Variants in CNBD1 observed in about 807,000 individuals in gnomAD.
CNBD1 encodes cyclic nucleotide binding domain containing 1.
In CNBD1, 71 loss-of-function variants were observed where a neutral mutation model predicts 54.4. The observed-to-expected ratio is 1.30, with a 90% CI of 1.08 to 1.59. The LOEUF is 1.59. CNBD1 is among the 40% of genes most tolerant of loss of function. The probability of loss-of-function intolerance (pLI) is 0.00; values close to 1 mark genes in which losing one functional copy is unlikely to be tolerated. For missense variants in CNBD1, 659 were observed against 518.0 expected (o/e 1.27, Z -2.64); for synonymous variants, 182 against 170.7 (o/e 1.07, Z -0.51).
chr8:87,016,466 A>C (rs1002531180), intron 4 of CNBD1, among the ~76,000 whole-genome samples: 1 of 151,514 alleles, frequency 6.6e-6, no homozygotes, highest in Non-Finnish European at 1.5e-5. Context: ...AAAAAAAAAA[A>C]AAACTATCTA....
intron 6 of CNBD1, among the ~76,000 whole-genome samples, chr8:87,261,679 T>A (rs1360907937): frequency 6.6e-6 from 1 of 152,144 alleles, no homozygotes; most frequent in Non-Finnish European, 1.5e-5. Flanking sequence ...GCCATTGGGA[T>A]TGGCCAAGAC....
intron 8 of CNBD1, among the ~76,000 whole-genome samples, chr8:87,342,170 G>A (rs1272910847): frequency 1.3e-5 from 2 of 152,016 alleles, no homozygotes. Flanking sequence ...CTACTTGAGA[G>A]GCTGAGGCAG....
At chr8:87,015,512 A>G (rs1809336558) in intron 4 of CNBD1, among the ~76,000 whole-genome samples, 1 of 152,108 alleles carries the variant, frequency 6.6e-6, no homozygotes, top group Non-Finnish European at 1.5e-5. Context: ...TAATGCAAAA[A>G]GTTTTTAAGT....
intron 4 of CNBD1, among the ~76,000 whole-genome samples, chr8:87,160,966 T>G (rs567455944): frequency 6.6e-6 from 1 of 152,224 alleles, no homozygotes; most frequent in Non-Finnish European, 1.5e-5. Flanking sequence ...TTAACTGTTC[T>G]AACAAAAAGG....
In CNBD1 at chr8:87,021,554, A is replaced by G. The variant is rs111830093; in HGVS notation, c.431+81800A>G. On this transcript the variant is annotated intron_variant, in intron 4 of 10. Transcript: ENST00000518476. ...CAAAGGTTAAAATTTGGATTCATTG[A>G]TTTATACCAGTAGTTCTCAGCTATG... Among the ~76,000 whole-genome samples, 315 of 152,276 alleles carry G rather than the reference A, an allele frequency of 2.1e-3. 2 individuals carry two copies. Among genetic ancestry groups the G allele is most frequent in the African/African-American group, 7.0e-3 (290 of 41,564 alleles).
intron 8 of CNBD1, among the ~76,000 whole-genome samples, chr8:87,313,680 G>T (rs75236882): frequency 3.9e-3 from 586 of 151,704 alleles, no homozygotes; most frequent in African/African-American, 0.013. Context: ...ATTACACTGT[G>T]TTCTTATGTT....
intron 2 of CNBD1, among the ~76,000 whole-genome samples, chr8:87,423,767 G>T (rs1192454946): frequency 1.3e-5 from 2 of 152,018 alleles, no homozygotes; most frequent in South Asian, 4.1e-4. Flanking sequence ...CCCGGCTTTT[G>T]TATCAGAATG....
intron 4 of CNBD1, among the ~76,000 whole-genome samples, chr8:87,001,134 T>C (rs1037166276): frequency 4.6e-5 from 7 of 152,168 alleles, no homozygotes; most frequent in African/African-American, 1.7e-4. Flanking sequence ...TTCTTAAGCC[T>C]TTCATGTGTC....
At chr8:87,350,363 A>G (rs1006883067) in intron 8 of CNBD1, among the ~76,000 whole-genome samples, 1 of 152,016 alleles carries the variant, frequency 6.6e-6, no homozygotes, top group Admixed American at 6.6e-5. Flanking sequence ...TGAAGTAACT[A>G]TTACATGAGG....
chr8:87,374,543 G>C (rs1810885967), intron 10 of CNBD1, among the ~76,000 whole-genome samples: 1 of 151,454 alleles, frequency 6.6e-6, no homozygotes, highest in South Asian at 2.1e-4. Context: ...TTGTATGGAA[G>C]AGATTAGTTA....
chr8:87,321,109 C>T (rs1809517862), intron 8 of CNBD1, among the ~76,000 whole-genome samples: 2 of 146,144 alleles, frequency 1.4e-5, no homozygotes, highest in South Asian at 2.1e-4. Flanking sequence ...ACTTAGTTTC[C>T]ACCACCTGGC....
chr8:87,331,841 G>A (rs1219539419), intron 8 of CNBD1, among the ~76,000 whole-genome samples: 1 of 152,042 alleles, frequency 6.6e-6, no homozygotes, highest in Non-Finnish European at 1.5e-5. Flanking sequence ...TCATATGTTT[G>A]TTGGTCGCAT....
intron 4 of CNBD1, among the ~76,000 whole-genome samples, chr8:87,008,973 T>C (rs1411408152): frequency 6.6e-6 from 1 of 152,116 alleles, no homozygotes; most frequent in African/African-American, 2.4e-5. Flanking sequence ...TTTAATATAA[T>C]TATAATTTGG....
At chr8:87,382,953 C>G, downstream of CNBD1, 1 of 200,090 alleles carries the variant, frequency 5.0e-6, no homozygotes, top group Non-Finnish European at 1.0e-5. Context: ...GTTTATATGA[C>G]CATGCACAAA....
chr8:87,230,792 G>A (rs1814671488), intron 5 of CNBD1, among the ~76,000 whole-genome samples: 1 of 152,110 alleles, frequency 6.6e-6, no homozygotes. Flanking sequence ...AGATTAAGAG[G>A]TTGCTTCTTA....
At chr8:86,978,015 C>T (rs1202738421) in intron 4 of CNBD1, among the ~76,000 whole-genome samples, 1 of 152,050 alleles carries the variant, frequency 6.6e-6, no homozygotes, top group African/African-American at 2.4e-5. Flanking sequence ...CTCAACAGTA[C>T]ATTAAAGAGA....
chr8:87,179,058 G>A (rs955501734), intron 4 of CNBD1, among the ~76,000 whole-genome samples: 8 of 151,984 alleles, frequency 5.3e-5, no homozygotes, highest in East Asian at 3.9e-4. Flanking sequence ...CTACAGGTGC[G>A]TGCCACCATG....
chr8:87,406,725 G>T (rs1374225196), intron 2 of CNBD1, among the ~76,000 whole-genome samples: 2 of 151,942 alleles, frequency 1.3e-5, no homozygotes, highest in Non-Finnish European at 2.9e-5. Flanking sequence ...TGATCTGCCA[G>T]CCTTGGCCTC....
At chr8:87,145,434 T>C (rs1050333345) in intron 4 of CNBD1, among the ~76,000 whole-genome samples, 4 of 152,120 alleles carry the variant, frequency 2.6e-5, no homozygotes, top group African/African-American at 9.7e-5. Flanking sequence ...AAAATACGTA[T>C]TTTGGAAAGA....
Sources: gnomAD v4.1 joint callset for allele counts (sites outside exome capture counted in the v4.1 genomes callset) on GRCh38, gnomAD v4.1.1 for gene constraint, MANE v1.5 for transcripts, NCBI Gene and HGNC (gene_info 2026-07-23, HGNC 2026-07-21) for gene names.